NPAT: variants seen among roughly 807,000 people sequenced by gnomAD.
The protein encoded by NPAT is protein NPAT.
Under a neutral mutation model 130.7 loss-of-function variants are expected in NPAT, and 52 were observed. That is an observed-to-expected ratio of 0.40 (90% CI 0.32 to 0.50). The LOEUF (loss-of-function observed/expected upper bound fraction) is 0.50, where lower values mean the gene tolerates loss of function less well. NPAT is among the 20% of genes least tolerant of loss of function. The pLI is 0.68. For synonymous variants in NPAT, 580 were observed against 584.8 expected, an observed-to-expected ratio of 0.99 and a Z score of 0.12; for missense variants, 1,687 against 1,662.6, an observed-to-expected ratio of 1.01 and a Z score of -0.26.
At chr11:108,222,262 C>G (rs1366775807) in intron 1 of NPAT, among the ~76,000 whole-genome samples, 1 of 152,130 alleles carries the variant, frequency 6.6e-6, no homozygotes, top group African/African-American at 2.4e-5. Flanking sequence ...TGTTCCACCC[C>G]GAGCTTCCCC....
At chr11:108,177,900 T>C (rs2078024139) in intron 10 of NPAT, among the ~76,000 whole-genome samples, 1 of 152,096 alleles carries the variant, frequency 6.6e-6, no homozygotes. Context: ...TTTATATTTT[T>C]AGTAGAGATG....
intron 1 of NPAT, among the ~76,000 whole-genome samples, chr11:108,216,636 AT>A (rs2078438052): frequency 8.3e-6 from 1 of 119,840 alleles, no homozygotes; most frequent in African/African-American, 3.3e-5. Context: ...AAATATTGTC[AT>A]TTGTGCTAGC....
intron 1 of NPAT, among the ~76,000 whole-genome samples, chr11:108,205,572 AG>A (rs2078317875): frequency 1.3e-5 from 2 of 152,232 alleles, no homozygotes; most frequent in African/African-American, 4.8e-5. Context: ...GCCAGCCTCA[AG>A]GAAGAATTCT....
At chr11:108,202,314 G>C (rs1419832346) in intron 1 of NPAT, among the ~76,000 whole-genome samples, 2 of 152,134 alleles carry the variant, frequency 1.3e-5, no homozygotes, top group Admixed American at 6.5e-5. Context: ...ATAGCTGAGG[G>C]AACTAAGGTG....
chr11:108,199,489 G>T (rs1038626511), intron 1 of NPAT, among the ~76,000 whole-genome samples: 1 of 152,200 alleles, frequency 6.6e-6, no homozygotes, highest in Non-Finnish European at 1.5e-5. Context: ...CATTTCTGGA[G>T]GCTTGTCTGG....
chr11:108,215,061 T>C (rs148923846), intron 1 of NPAT, among the ~76,000 whole-genome samples: 53 of 152,316 alleles, frequency 3.5e-4, no homozygotes, highest in East Asian at 3.1e-3. Flanking sequence ...CAGATACACA[T>C]TGATTATATT....
chr11:108,220,892 A>G (rs1408788484), intron 1 of NPAT, among the ~76,000 whole-genome samples: 1 of 152,246 alleles, frequency 6.6e-6, no homozygotes, highest in Admixed American at 6.5e-5. Flanking sequence ...ACAGAAGTCC[A>G]AAAGAGAAGT....
intron 1 of NPAT, among the ~76,000 whole-genome samples, chr11:108,206,785 C>T (rs745984714): frequency 8.5e-5 from 13 of 152,188 alleles, no homozygotes; most frequent in Non-Finnish European, 5.9e-5. Context: ...ATGAGGTTCA[C>T]GGTCAACTGG....
At position 108,197,569 on chromosome 11, in the gene NPAT, C is replaced by T; in HGVS notation, c.38-149G>A. ...GTTTGGCAGCCTTGAACAGAAACAC[C>T]AGGTTGTGCTGCAATACAAAGTACA... On this transcript the variant is annotated intron_variant, in intron 1 of 17. Transcript: ENST00000278612. 4 of 679,176 alleles carry T rather than the reference C, an allele frequency of 5.9e-6. No homozygotes were observed. In the Admixed American group the frequency reaches 9.5e-5, roughly 16 times the overall value. 42.1% of individuals were successfully genotyped at this position (679,176 alleles called of 1,614,324 possible).
chr11:108,178,083 T>A (rs1724460156), intron 10 of NPAT, among the ~76,000 whole-genome samples: 1 of 152,204 alleles, frequency 6.6e-6, no homozygotes, highest in South Asian at 2.1e-4. Flanking sequence ...GCTTTATAGG[T>A]CCTTCAATAT....
chr11:108,170,083 A>T, intron 13 of NPAT, 40 bp from the exon 14 acceptor site: 1 of 1,370,300 alleles, frequency 7.3e-7, no homozygotes, highest in Non-Finnish European at 1.0e-6. Flanking sequence ...TTTTCTCTGA[A>T]ATGTTTTGGC....
chr11:108,160,489 A>T (rs956489206), intron 17 of NPAT, among the ~76,000 whole-genome samples: 1 of 152,158 alleles, frequency 6.6e-6, no homozygotes, highest in Non-Finnish European at 1.5e-5. Flanking sequence ...AGTGTTTAAT[A>T]TTGTTTCCCA....
chr11:108,214,156 A>G (rs568973701), intron 1 of NPAT, among the ~76,000 whole-genome samples: 10 of 152,274 alleles, frequency 6.6e-5, no homozygotes, highest in Non-Finnish European at 1.0e-4. Flanking sequence ...TTGGCCTCCC[A>G]AAGTGTTGGG....
chr11:108,210,987 G>A (rs563251653), intron 1 of NPAT, among the ~76,000 whole-genome samples: 3 of 152,266 alleles, frequency 2.0e-5, no homozygotes, highest in South Asian at 4.1e-4. Flanking sequence ...TTGGGAGGCC[G>A]AGGTGGGTGG....
intron 1 of NPAT, among the ~76,000 whole-genome samples, chr11:108,205,394 G>C (rs1485843385): frequency 6.6e-6 from 1 of 152,046 alleles, no homozygotes; most frequent in Non-Finnish European, 1.5e-5. Context: ...CCAGGTAGCT[G>C]GGATGACAGG....
chr11:108,188,973 C>T lies in NPAT; in HGVS notation c.556+133G>A, dbSNP rs142176345. 116 of 734,662 alleles carry T rather than the reference C, an allele frequency of 1.6e-4. No individual in the cohort carries two copies. In the African/African-American group the frequency reaches 1.8e-3, roughly 11 times the overall value. The allele number at this position is 734,662 out of a possible 1,614,324, so 45.5% of individuals were successfully genotyped here. A position where few individuals can be genotyped will look rare whatever the true frequency, so the allele number is the denominator to read the frequency against. On this transcript the variant is annotated intron_variant, in intron 6 of 17. Transcript: ENST00000278612. ...CTTATAGCAAATCTAGAAGTCTGTT[C>T]CACTTTTAGTCTCTCTCATCTTTTA...
intron 17 of NPAT, 30 bp from the exon 18 acceptor site, chr11:108,159,049 TCAAAA>T: frequency 1.4e-6 from 2 of 1,478,558 alleles, no homozygotes; most frequent in Non-Finnish European, 1.9e-6. Context: ...AAAAATAAAC[TCAAAA>T]CAAGGCCAAA....
chr11:108,208,160 A>G (rs1378062493), intron 1 of NPAT, among the ~76,000 whole-genome samples: 1 of 152,184 alleles, frequency 6.6e-6, no homozygotes, highest in Non-Finnish European at 1.5e-5. Flanking sequence ...TCCAATGAAC[A>G]TTTCCTTTGA....
At chr11:108,208,540 A>T in intron 1 of NPAT, 1 of 445,564 alleles carries the variant, frequency 2.2e-6, no homozygotes. Context: ...GCGAACCATG[A>T]CTGCACCACT....
Sources: allele counts gnomAD v4.1 joint callset (sites outside exome capture counted in the v4.1 genomes callset), GRCh38; gene constraint gnomAD v4.1.1; transcripts MANE v1.5; gene names NCBI Gene and HGNC (gene_info 2026-07-23, HGNC 2026-07-21).